ANGPT4: variants seen among roughly 807,000 people sequenced by gnomAD.
ANGPT4 encodes angiopoietin 4.
In ANGPT4, 50 loss-of-function variants were observed where a neutral mutation model predicts 53.0. That is an observed-to-expected ratio of 0.94 (90% confidence interval 0.75 to 1.20). The LOEUF is 1.20. Among genes scored for constraint, ANGPT4 ranks in the 50% most tolerant of loss-of-function variants. ANGPT4 has a pLI of 0.00. For missense variants in ANGPT4, 648 were observed against 637.1 expected (o/e 1.02, Z -0.18); for synonymous variants, 251 against 259.7 (o/e 0.97, Z 0.32).
Position 914,385 on chromosome 20 carries a change from T to C in ANGPT4, c.309+1521A>G, listed in dbSNP as rs1241862303. ...CGCTGGAGAGGATAGGAGGCTGGGG[T>C]AAGCAAAGTGGGAGTCTGGGAGAGG... On this transcript the variant is annotated intron_variant, in intron 1 of 8. Transcript: ENST00000381922. The surrounding 1 kb of genome is among the most constrained non-coding windows in gnomAD (Gnocchi z 5.0). 6.6e-6 allele frequency among the ~76,000 whole-genome samples: 1 copy of C among 151,870 alleles called. No homozygotes were observed. Among genetic ancestry groups the C allele is most frequent in the African/African-American group, 2.4e-5 (1 of 41,346 alleles).
chr20:878,052 C>T, intron 7 of ANGPT4, 109 bp downstream of exon 7: 3 of 1,281,074 alleles, frequency 2.3e-6, no homozygotes, highest in Non-Finnish European at 3.2e-6. Flanking sequence ...ACAGGAGACA[C>T]CCAGAGACTG....
At chr20:891,285 T>C (rs1264006238) in intron 1 of ANGPT4, among the ~76,000 whole-genome samples, 2 of 152,184 alleles carry the variant, frequency 1.3e-5, no homozygotes, top group African/African-American at 2.4e-5. Flanking sequence ...GTGTTTTCTA[T>C]CTTCAGATCC....
Position 881,195 on chromosome 20 carries a change from C to A in ANGPT4, c.927G>T (p.Val309=). Residue 309 remains valine, a synonymous_variant, in exon 5 of 9, where the codon GTG becomes GTT. Transcript: ENST00000381922. ...CCTTCCTGGGCTTCGTTGCATTGGA[C>A]ACCTGGATGGTGTAGACACCACTGG... is the stretch of plus-strand genomic sequence containing the variant. ...ASASGVYTIQ[V]SNATKPRKVF... 6.2e-7 allele frequency: 1 copy of A among 1,602,246 alleles called. No homozygotes were observed. Among genetic ancestry groups the A allele is most frequent in the Non-Finnish European group, 8.5e-7 (1 of 1,174,172 alleles).
intron 3 of ANGPT4, among the ~76,000 whole-genome samples, chr20:885,603 A>G (rs1332707943): frequency 6.6e-6 from 1 of 152,102 alleles, no homozygotes; most frequent in Non-Finnish European, 1.5e-5. Flanking sequence ...TTGCTTTTTG[A>G]CCCAGCAGTC....
chr20:913,339 G>C (rs1982781388), intron 1 of ANGPT4, among the ~76,000 whole-genome samples: 1 of 152,172 alleles, frequency 6.6e-6, no homozygotes, highest in Admixed American at 6.5e-5. Flanking sequence ...GACCAGGAGT[G>C]TCAGAGGGGG....
Position 878,152 on chromosome 20 carries a change from C to G in ANGPT4, c.1220+9G>C. 2 of 1,582,032 alleles carry G rather than the reference C, an allele frequency of 1.3e-6. No homozygotes were observed. Among genetic ancestry groups the G allele is most frequent in the Admixed American group, 3.4e-5 (2 of 59,424 alleles). ...CCAGCCCCCACAACGGCCTGGGCCC[C>G]GAACCCACCTGTATAGCTGGTTCTC... On this transcript the variant is annotated intron_variant, in intron 7 of 8. Transcript: ENST00000381922.
intron 8 of ANGPT4, 120 bp from the exon 9 acceptor site, chr20:873,240 G>C: frequency 2.5e-6 from 1 of 407,004 alleles, no homozygotes; most frequent in Middle Eastern, 9.5e-4. Flanking sequence ...CCTCTGGGAA[G>C]CCAGCTGGCT....
intron 1 of ANGPT4, among the ~76,000 whole-genome samples, chr20:902,377 A>G (rs1444589498): frequency 1.3e-5 from 2 of 152,150 alleles, no homozygotes; most frequent in Non-Finnish European, 2.9e-5. Context: ...CTAGTCTCTA[A>G]CTGATATTAA....
chr20:915,877 G>T, intron 1 of ANGPT4, 29 bp downstream of exon 1: 1 of 1,534,788 alleles, frequency 6.5e-7, no homozygotes, highest in South Asian at 1.3e-5. Context: ...GCCGCCCTCT[G>T]CCCCCTGCAA....
intron 1 of ANGPT4, among the ~76,000 whole-genome samples, chr20:899,476 A>G (rs1982196536): frequency 6.6e-6 from 1 of 151,570 alleles, no homozygotes; most frequent in African/African-American, 2.4e-5. Context: ...GATATTCTCG[A>G]TTTCCTGACC....
chr20:905,631 G>A (rs1294212121), intron 1 of ANGPT4, among the ~76,000 whole-genome samples: 3 of 152,218 alleles, frequency 2.0e-5, no homozygotes, highest in South Asian at 2.1e-4. Flanking sequence ...CCATGGCAAG[G>A]GAGGGAGTCA....
At chr20:915,411 A>G (rs1160159882) in intron 1 of ANGPT4, among the ~76,000 whole-genome samples, 1 of 151,924 alleles carries the variant, frequency 6.6e-6, no homozygotes, top group Non-Finnish European at 1.5e-5. Flanking sequence ...GTTCCCTCAA[A>G]TACCTGCCTG....
intron 1 of ANGPT4, among the ~76,000 whole-genome samples, chr20:895,606 G>T (rs1414098979): frequency 6.6e-6 from 1 of 152,190 alleles, no homozygotes; most frequent in Admixed American, 6.5e-5. Context: ...ATCCGTGGAT[G>T]AGCAGCCTCC....
At chr20:915,487 A>T (rs1982893563) in intron 1 of ANGPT4, among the ~76,000 whole-genome samples, 5 of 152,088 alleles carry the variant, frequency 3.3e-5, no homozygotes, top group Admixed American at 3.3e-4. Context: ...GTACTCTCTA[A>T]TGATCTGACC....
In ANGPT4 at chr20:870,831, A is replaced by G. The variant is rs1171387576; in HGVS notation, c.*2129T>C. ...TCACCCCATTCTCCTCTTTGAGGAC[A>G]AACATTTATTAGGCACCTGCTTCAT... is the stretch of plus-strand genomic sequence containing the variant. On this transcript the variant is annotated 3_prime_UTR_variant, in exon 9 of 9. Coordinates refer to ENST00000381922, the MANE Select transcript of ANGPT4 (RefSeq NM_015985.4). The G allele has an allele frequency of 6.6e-6, 1 of 152,252 alleles. No homozygotes were observed. Among genetic ancestry groups the G allele is most frequent in the Admixed American group, 6.5e-5 (1 of 15,284 alleles). The allele number at this position is 152,252 out of a possible 1,614,324, so 9.4% of individuals were successfully genotyped here. A position where few individuals can be genotyped will look rare whatever the true frequency, so the allele number is the denominator to read the frequency against.
At chr20:874,801 C>T (rs1981097659) in intron 7 of ANGPT4, among the ~76,000 whole-genome samples, 1 of 152,190 alleles carries the variant, frequency 6.6e-6, no homozygotes, top group Non-Finnish European at 1.5e-5. Flanking sequence ...CAACCTTGAC[C>T]TCTTGGGCTC....
rs543557667 is a variant in ANGPT4, at chr20:885,090, C to T, written c.823G>A (p.Ala275Thr). ...LRHLVQERAN[A>T]SAPAFIMAGE... ...ACCGCTCACTCACCCGGGGCCGAGG[C>T]GTTAGCCCTTTCTTGCACCAGGTGC... Residue 275 changes from alanine to threonine, a missense_variant, in exon 4 of 9, where the codon GCC becomes ACC. Ala to Thr is a moderately conservative substitution (Grantham distance 58). Coordinates refer to ENST00000381922, the MANE Select transcript of ANGPT4 (RefSeq NM_015985.4). 6 of 1,613,692 alleles carry T rather than the reference C, an allele frequency of 3.7e-6. No individual in the cohort carries two copies. The East Asian group carries it at 1.3e-4, about 36-fold the overall frequency.
In ANGPT4 at chr20:894,452, C is replaced by T. The variant is rs144786605; in HGVS notation, c.310-4084G>A. Among the ~76,000 whole-genome samples, 971 of 152,172 alleles carry T rather than the reference C, an allele frequency of 6.4e-3. 6 individuals carry two copies. Among genetic ancestry groups the T allele is most frequent in the Non-Finnish European group, 0.011 (714 of 67,992 alleles). On this transcript the variant is annotated intron_variant, in intron 1 of 8. Coordinates refer to ENST00000381922, the MANE Select transcript of ANGPT4 (RefSeq NM_015985.4). ...TCCTCGGGAGGGGTGCCTTCGATGT[C>T]ATTAACATCAGAGCATGGGCTAGCA...
At chr20:904,588 A>G (rs1284590664) in intron 1 of ANGPT4, among the ~76,000 whole-genome samples, 1 of 152,224 alleles carries the variant, frequency 6.6e-6, no homozygotes, top group Admixed American at 6.5e-5. Flanking sequence ...AATCCTCTGA[A>G]GTAGAATTGC....
Sources: gnomAD v4.1 joint callset for allele counts (sites outside exome capture counted in the v4.1 genomes callset) on GRCh38, gnomAD v4.1.1 for gene constraint, Gnocchi (gnomAD v3.1) non-coding constraint, MANE v1.5 for transcripts, NCBI Gene and HGNC (gene_info 2026-07-23, HGNC 2026-07-21) for gene names.